The following PMS2 variants were observed in gnomAD, a reference collection of about 807,000 sequenced individuals.
PMS2 encodes the protein mismatch repair endonuclease PMS2.
A neutral mutation model predicts 90.0 loss-of-function variants in PMS2; 69 were observed. The ratio of observed to expected loss-of-function variants is 0.77; its 90% confidence interval spans 0.63 to 0.94. PMS2 has a LOEUF of 0.94. Among genes scored for constraint, PMS2 ranks in the 40% least tolerant of loss-of-function variants. The probability of loss-of-function intolerance (pLI) is 0.00; values close to 1 mark genes in which losing one functional copy is unlikely to be tolerated. For synonymous variants in PMS2, 332 were observed against 375.1 expected, an observed-to-expected ratio of 0.89 and a Z score of 1.33; for missense variants, 966 against 1,040.2, an observed-to-expected ratio of 0.93 and a Z score of 0.98.
chr7:6,001,373 CTTTTT>C (rs35742778), intron 5 of PMS2, among the ~76,000 whole-genome samples: 1 of 138,732 alleles, frequency 7.2e-6, no homozygotes, highest in African/African-American at 2.7e-5. Flanking sequence ...GAGAAATATT[CTTTTT>C]TTTTTTTTTT....
intron 10 of PMS2, among the ~76,000 whole-genome samples, chr7:5,987,905 A>G (rs1783226079): frequency 1.3e-5 from 2 of 151,980 alleles, no homozygotes; most frequent in African/African-American, 2.4e-5. Context: ...AAATACAAAA[A>G]TTAGCCGGGT....
intron 12 of PMS2, among the ~76,000 whole-genome samples, chr7:5,982,566 A>C (rs1161779712): frequency 1.3e-5 from 2 of 152,018 alleles, no homozygotes; most frequent in African/African-American, 4.8e-5. Flanking sequence ...CCAACTCCTG[A>C]CCTCAGGTGA....
rs372733983 is a variant in PMS2, at chr7:6,008,968, G to A, written c.23+29C>T. ...GTCTCAAAGAGGGCGCGCGAGAGGG[G>A]ACACCGGAAGACTGCGAGCCCCGCT... On this transcript the variant is annotated intron_variant, in intron 1 of 14. Transcript: ENST00000265849. 25 of 1,612,280 alleles carry A rather than the reference G, an allele frequency of 1.6e-5. No homozygotes were observed. The highest frequency in any genetic ancestry group is 2.0e-5 in the Non-Finnish European group (24 of 1,179,522).
At chr7:6,000,866 C>G (rs1421012791) in intron 5 of PMS2, among the ~76,000 whole-genome samples, 2 of 152,010 alleles carry the variant, frequency 1.3e-5, no homozygotes, top group Non-Finnish European at 2.9e-5. Context: ...TGGCGCACAC[C>G]TATAATCCCA....
chr7:5,994,082 A>G (rs1784086737), intron 8 of PMS2, among the ~76,000 whole-genome samples: 1 of 151,904 alleles, frequency 6.6e-6, no homozygotes, highest in Non-Finnish European at 1.5e-5. Context: ...CGTATATGCA[A>G]TTTAAAAAAC....
chr7:5,993,572 G>A (rs1784014112), intron 8 of PMS2, among the ~76,000 whole-genome samples: 1 of 150,236 alleles, frequency 6.7e-6, no homozygotes, highest in South Asian at 2.1e-4. Context: ...AGAAAATATA[G>A]AAACCATGGG....
At chr7:5,988,052 CAAAAAAAAAAAAA>C (rs10543125) in intron 10 of PMS2, among the ~76,000 whole-genome samples, 8 of 41,126 alleles carry the variant, frequency 1.9e-4, no homozygotes, top group Admixed American at 3.7e-4. Flanking sequence ...CACTCTGTCT[CAAAAAAAAAAAAA>C]AAAAAAAAAA....
At chr7:5,982,776 A>G in intron 12 of PMS2, 48 bp downstream of exon 12, 1 of 1,610,460 alleles carries the variant, frequency 6.2e-7, no homozygotes, top group Non-Finnish European at 8.5e-7. Flanking sequence ...CCTCTATTAG[A>G]TCTTCAATTT....
At chr7:6,005,705 A>G (rs1785660212) in intron 2 of PMS2, among the ~76,000 whole-genome samples, 187 bp downstream of exon 2, 1 of 152,220 alleles carries the variant, frequency 6.6e-6, no homozygotes, top group African/African-American at 2.4e-5. Context: ...TAAGAACACA[A>G]TAAAAGCTGT....
At chr7:5,984,225 A>G (rs1052214018) in intron 11 of PMS2, among the ~76,000 whole-genome samples, 2 of 151,784 alleles carry the variant, frequency 1.3e-5, no homozygotes, top group African/African-American at 4.9e-5. Flanking sequence ...CTTTCTGCCA[A>G]TGCTGGATAT....
intron 4 of PMS2, 57 bp from the exon 5 acceptor site, chr7:6,002,693 T>C: frequency 1.5e-6 from 2 of 1,310,834 alleles, no homozygotes; most frequent in Non-Finnish European, 2.2e-6. Flanking sequence ...TGTTGGGCAC[T>C]GACTACTCTT....
At chr7:5,999,079 G>T (rs749148479) in intron 6 of PMS2, 29 bp downstream of exon 6, 2 of 1,603,636 alleles carry the variant, frequency 1.2e-6, no homozygotes, top group Non-Finnish European at 1.7e-6. Flanking sequence ...AGAGCAATAA[G>T]AGGCGTTGAA....
intron 8 of PMS2, 98 bp downstream of exon 8, chr7:5,995,436 G>C (rs1451399437): frequency 2.0e-5 from 15 of 768,450 alleles, no homozygotes; most frequent in African/African-American, 1.4e-4. Flanking sequence ...GTTTCTCAAA[G>C]TCCCGAGCTC....
intron 12 of PMS2, 146 bp from the exon 13 acceptor site, chr7:5,978,842 C>T: frequency 9.4e-7 from 1 of 1,058,630 alleles, no homozygotes; most frequent in African/African-American, 1.7e-5. Context: ...CTAAGTGTCA[C>T]AAAACTTCCT....
intron 14 of PMS2, among the ~76,000 whole-genome samples, chr7:5,976,049 A>G (rs1364266283): frequency 6.2e-5 from 9 of 144,576 alleles, no homozygotes; most frequent in Admixed American, 4.2e-4. Context: ...CACCAGCCTG[A>G]CCAACATGGT....
intron 8 of PMS2, among the ~76,000 whole-genome samples, chr7:5,995,219 T>C (rs1275363437): frequency 6.6e-6 from 1 of 152,050 alleles, no homozygotes; most frequent in African/African-American, 2.4e-5. Flanking sequence ...TGTATTTTAG[T>C]AGAGACGGGG....
intron 2 of PMS2, 168 bp from the exon 3 acceptor site, chr7:6,004,226 T>G (rs1785452669): frequency 1.7e-6 from 1 of 578,614 alleles, no homozygotes; most frequent in South Asian, 2.2e-5. Flanking sequence ...CCTTTCTGGC[T>G]ATTTACTAGC....
intron 1 of PMS2, among the ~76,000 whole-genome samples, chr7:6,006,774 T>G (rs1175750061): frequency 6.6e-6 from 1 of 152,176 alleles, no homozygotes; most frequent in East Asian, 1.9e-4. Flanking sequence ...TTATACACAG[T>G]TGCCTTTGAT....
chr7:5,979,098 A>G (rs2128686619), intron 12 of PMS2, among the ~76,000 whole-genome samples: 1 of 142,400 alleles, frequency 7.0e-6, no homozygotes, highest in East Asian at 2.2e-4. Context: ...TGGGAGGCTT[A>G]GGCATGAGAT....
Sources: gnomAD v4.1 joint callset for allele counts (sites outside exome capture counted in the v4.1 genomes callset) on GRCh38, gnomAD v4.1.1 for gene constraint, MANE v1.5 for transcripts, NCBI Gene and HGNC (gene_info 2026-07-23, HGNC 2026-07-21) for gene names.